The following DNAH7 variants were observed in gnomAD, a reference collection of about 807,000 sequenced individuals.
The protein encoded by DNAH7 is dynein axonemal heavy chain 7, also known as axonemal beta dynein heavy chain 7.
In DNAH7, 397 loss-of-function variants were observed where a neutral mutation model predicts 444.6. That is an observed-to-expected ratio of 0.89 (90% CI 0.82 to 0.97). The LOEUF (loss-of-function observed/expected upper bound fraction) is 0.97. Among genes scored for constraint, DNAH7 ranks in the 50% least tolerant of loss-of-function variants. DNAH7 has a pLI of 0.00. For synonymous variants in DNAH7, 1,636 were observed against 1,624.4 expected (o/e 1.01, Z -0.17); for missense variants, 4,902 against 4,800.8 (o/e 1.02, Z -0.62).
intron 47 of DNAH7, chr2:195,834,567 A>C (rs2124959211): frequency 2.3e-6 from 1 of 430,262 alleles, no homozygotes; most frequent in African/African-American, 2.0e-5. Flanking sequence ...CATCCTGCAA[A>C]GTTCGCACAA....
chr2:195,955,147 T>TA (rs1690558822), intron 19 of DNAH7, among the ~76,000 whole-genome samples: 1 of 152,248 alleles, frequency 6.6e-6, no homozygotes, highest in African/African-American at 2.4e-5. Context: ...CTACAGTTTT[T>TA]ATGGTTTTAG....
At chr2:195,978,703 C>T (rs1016694245) in intron 15 of DNAH7, among the ~76,000 whole-genome samples, 2 of 152,162 alleles carry the variant, frequency 1.3e-5, no homozygotes, top group African/African-American at 4.8e-5. Context: ...CAAAGACACA[C>T]ATAGCCTGAC....
At chr2:195,917,565 G>C (rs1007652788) in intron 24 of DNAH7, among the ~76,000 whole-genome samples, 9 of 152,198 alleles carry the variant, frequency 5.9e-5, no homozygotes, top group African/African-American at 2.2e-4. Context: ...TTCTGCTTCA[G>C]AGCTTTTTAA....
intron 24 of DNAH7, among the ~76,000 whole-genome samples, chr2:195,912,232 C>G (rs1201995175): frequency 6.6e-6 from 1 of 152,128 alleles, no homozygotes; most frequent in African/African-American, 2.4e-5. Flanking sequence ...CCCAAGCTAA[C>G]AGAGGGGCCT....
At position 196,047,397 on chromosome 2, in the gene DNAH7, T is replaced by C; in HGVS notation, c.353A>G (p.His118Arg). The change falls in exon 5 of 65, where the codon CAT becomes CGT. Residue 118 changes from histidine to arginine, a missense_variant. Coordinates refer to ENST00000312428, the MANE Select transcript of DNAH7 (RefSeq NM_018897.3). ...STSKSKGKSP[H>R]KERENFRSTL... ...ACTTCTAAAGTTTTCTCGTTCTTTA[T>C]GTGGAGATTTGCCCTTTGATTTGGA... The C allele has an allele frequency of 6.2e-7, 1 of 1,601,992 alleles. No homozygotes were observed. The highest frequency in any genetic ancestry group is 8.5e-7 in the Non-Finnish European group (1 of 1,173,312).
chr2:195,930,451 A>C (rs539986054), intron 21 of DNAH7, among the ~76,000 whole-genome samples: 94 of 152,338 alleles, frequency 6.2e-4, no homozygotes, highest in Non-Finnish European at 1.1e-3. Context: ...ACCATCAGAA[A>C]ATATAAATCA....
intron 58 of DNAH7, among the ~76,000 whole-genome samples, chr2:195,781,394 G>A (rs991784446): frequency 6.6e-6 from 1 of 152,142 alleles, no homozygotes; most frequent in Non-Finnish European, 1.5e-5. Flanking sequence ...AGTCCATGAG[G>A]TAAATGCTAT....
intron 51 of DNAH7, among the ~76,000 whole-genome samples, chr2:195,813,325 T>C (rs1034767832): frequency 6.6e-6 from 1 of 152,146 alleles, no homozygotes; most frequent in African/African-American, 2.4e-5. Flanking sequence ...AACCTAAAAT[T>C]ATAGGTACTT....
chr2:196,038,669 T>C (rs1334833550), intron 5 of DNAH7, among the ~76,000 whole-genome samples: 2 of 151,962 alleles, frequency 1.3e-5, no homozygotes, highest in Non-Finnish European at 2.9e-5. Context: ...CAAAAACAGG[T>C]TTAGAATTTG....
chr2:195,962,352 T>C (rs937640410), intron 17 of DNAH7, among the ~76,000 whole-genome samples: 1 of 152,308 alleles, frequency 6.6e-6, no homozygotes, highest in Admixed American at 6.5e-5. Flanking sequence ...TATACACTTT[T>C]GGTTGGTTGG....
chr2:195,824,523 TC>T lies in DNAH7; in HGVS notation c.9101-79del. On this transcript the variant is annotated intron_variant, in intron 48 of 64. Coordinates refer to ENST00000312428, the MANE Select transcript of DNAH7 (RefSeq NM_018897.3). ...ATTATAAATATTCAACCCTCCAAGT[TC>T]TTTCAGCCTTATAGATAAATTCTGT... 4 of 1,238,708 alleles carry T rather than the reference TC, an allele frequency of 3.2e-6. No homozygotes were observed. The South Asian group carries it at 7.3e-5, about 23-fold the overall frequency. 76.7% of individuals were successfully genotyped at this position (1,238,708 alleles called of 1,614,324 possible). A position where few individuals can be genotyped will look rare whatever the true frequency, so the allele number is the denominator to read the frequency against.
chr2:196,049,793 T>G (rs1697353519), intron 3 of DNAH7, among the ~76,000 whole-genome samples: 1 of 152,236 alleles, frequency 6.6e-6, no homozygotes, highest in African/African-American at 2.4e-5. Context: ...ATTATGCGTC[T>G]CAGCCATAGA....
At chr2:195,910,225 A>ATT (rs1482211496) in intron 24 of DNAH7, 30 bp from the exon 25 acceptor site, 1 of 1,490,636 alleles carries the variant, frequency 6.7e-7, no homozygotes, top group Non-Finnish European at 9.0e-7. Flanking sequence ...CATTCTTTGT[A>ATT]GAATAATGTG....
intron 19 of DNAH7, among the ~76,000 whole-genome samples, chr2:195,945,281 C>T (rs1238123007): frequency 6.6e-6 from 1 of 152,118 alleles, no homozygotes; most frequent in Non-Finnish European, 1.5e-5. Context: ...TCAGGATTTA[C>T]TACTTCTGCC....
At chr2:196,020,325 G>A (rs978967933) in intron 8 of DNAH7, among the ~76,000 whole-genome samples, 9 of 151,952 alleles carry the variant, frequency 5.9e-5, no homozygotes, top group African/African-American at 1.9e-4. Flanking sequence ...CCTTACCCCC[G>A]TGTTAAAGAT....
At chr2:195,998,867 T>C (rs1693864502) in intron 12 of DNAH7, 1 of 424,214 alleles carries the variant, frequency 2.4e-6, no homozygotes, top group Non-Finnish European at 4.2e-6. Context: ...CTTTATCTTT[T>C]ATAACGTATA....
In DNAH7 at chr2:195,806,725, A is replaced by C. The variant is rs777010377; in HGVS notation, c.10176+15T>G. 3 of 1,610,176 alleles carry C rather than the reference A, an allele frequency of 1.9e-6. No individual in the cohort carries two copies. The South Asian group carries it at 3.3e-5, about 18-fold the overall frequency. On this transcript the variant is annotated intron_variant, in intron 54 of 64. Transcript: ENST00000312428. ...GCTTTGGAATCATTGAGCTGTTTTC[A>C]AAGCCCACATTTACCTTGTCTGGCC...
intron 63 of DNAH7, among the ~76,000 whole-genome samples, chr2:195,752,154 C>A (rs531631047): frequency 3.3e-5 from 5 of 151,936 alleles, no homozygotes; most frequent in Non-Finnish European, 7.4e-5. Context: ...CGCCTCTGGT[C>A]TCAGCTACTC....
intron 14 of DNAH7, among the ~76,000 whole-genome samples, chr2:195,984,943 G>A (rs1692808959): frequency 1.3e-5 from 2 of 152,244 alleles, no homozygotes; most frequent in South Asian, 4.1e-4. Context: ...AAATGAATCA[G>A]ATAGCATAAT....
Sources: gnomAD v4.1 joint callset for allele counts (sites outside exome capture counted in the v4.1 genomes callset) on GRCh38, gnomAD v4.1.1 for gene constraint, MANE v1.5 for transcripts, NCBI Gene and HGNC (gene_info 2026-07-23, HGNC 2026-07-21) for gene names.